The following RELN variants were observed in gnomAD, a reference collection of about 807,000 sequenced individuals.
The protein encoded by RELN is reelin.
RELN carries 108 observed loss-of-function variants against 427.6 expected under a neutral mutation model. The ratio of observed to expected loss-of-function variants is 0.25; its 90% confidence interval spans 0.22 to 0.30. RELN has a LOEUF of 0.30. Ranked by LOEUF, RELN falls within the 10% of genes least tolerant of loss-of-function variation. RELN has a pLI of 1.00. For missense variants in RELN, 3,715 were observed against 4,302.8 expected (o/e 0.86, Z 3.82); for synonymous variants, 1,524 against 1,513.4 (o/e 1.01, Z -0.16).
chr7:103,766,828 A>C (rs900059183), intron 4 of RELN, among the ~76,000 whole-genome samples: 9 of 152,240 alleles, frequency 5.9e-5, no homozygotes, highest in Non-Finnish European at 1.0e-4. Flanking sequence ...GGCAGAAAGC[A>C]GCCAAGGTTT....
chr7:103,491,734 C>G (rs960162528), intron 58 of RELN, among the ~76,000 whole-genome samples: 5 of 151,880 alleles, frequency 3.3e-5, no homozygotes, highest in Admixed American at 6.6e-5. Context: ...GAGGCTGAGG[C>G]AGGAGAACCG....
intron 4 of RELN, among the ~76,000 whole-genome samples, chr7:103,769,938 G>C (rs1584478189): frequency 6.6e-6 from 1 of 152,126 alleles, no homozygotes; most frequent in East Asian, 1.9e-4. Context: ...CCTTGCTCTA[G>C]TCTGCCCTCA....
At chr7:103,631,577 C>T (rs1041564254) in intron 19 of RELN, among the ~76,000 whole-genome samples, 1 of 151,938 alleles carries the variant, frequency 6.6e-6, no homozygotes, top group Admixed American at 6.6e-5. Context: ...CAGGCGTGGG[C>T]CACTGTGCCT....
In RELN at chr7:103,535,492, A is replaced by G. The variant is rs769797706; in HGVS notation, c.7181-8T>C. ...AGTATTCCAATTCAATCGCTGAAAC[A>G]GGAAACATTATTTTGGATATAAACA... On this transcript the variant is annotated splice_region_variant and splice_polypyrimidine_tract_variant and intron_variant, in intron 45 of 64. Coordinates refer to ENST00000428762, the MANE Select transcript of RELN (RefSeq NM_005045.4). The G allele has an allele frequency of 6.2e-7, 1 of 1,613,226 alleles. No individual in the cohort carries two copies. The highest frequency in any genetic ancestry group is 2.2e-5 in the East Asian group (1 of 44,880).
chr7:103,663,024 A>T (rs1211858784), intron 11 of RELN, among the ~76,000 whole-genome samples: 4 of 106,590 alleles, frequency 3.8e-5, no homozygotes, highest in Non-Finnish European at 8.8e-5. Context: ...ATTCAAAGTC[A>T]CTAAAACATT....
chr7:103,872,891 G>A lies in RELN; in HGVS notation c.338-39219C>T, dbSNP rs530942871. 1.6e-3 allele frequency among the ~76,000 whole-genome samples: 249 copies of A among 151,256 alleles called. 1 individual carries two copies. The highest frequency in any genetic ancestry group is 5.5e-3 in the African/African-American group (228 of 41,364). Reference sequence around the variant, plus strand: ...TGAGAAGTGTCTGTTCATGTCCTTCGCCCACTTTTTGATGGGGTTGTTTGT... The same window carrying A: ...TGAGAAGTGTCTGTTCATGTCCTTCACCCACTTTTTGATGGGGTTGTTTGT... On this transcript the variant is annotated intron_variant, in intron 2 of 64. Transcript: ENST00000428762.
chr7:103,963,129 G>T (rs1796594492), intron 1 of RELN, among the ~76,000 whole-genome samples: 1 of 59,542 alleles, frequency 1.7e-5, no homozygotes. Context: ...TCCTCTTTTC[G>T]CCTTCTTTTT....
At chr7:103,502,144 A>C (rs1282219466) in intron 52 of RELN, among the ~76,000 whole-genome samples, 1 of 152,188 alleles carries the variant, frequency 6.6e-6, no homozygotes, top group Non-Finnish European at 1.5e-5. Flanking sequence ...AGATATAACA[A>C]ATTTCGAGCT....
intron 1 of RELN, among the ~76,000 whole-genome samples, chr7:103,943,842 T>C: frequency 1.7e-5 from 1 of 58,350 alleles, no homozygotes; most frequent in South Asian, 4.6e-4. Context: ...AGCAAGATTC[T>C]GTCTCCAAAA....
intron 6 of RELN, among the ~76,000 whole-genome samples, chr7:103,738,616 G>C (rs1046282936): frequency 2.7e-5 from 4 of 147,808 alleles, no homozygotes; most frequent in Admixed American, 6.7e-5. Context: ...TGCCTAATCT[G>C]GATTTCATAC....
At chr7:103,961,232 C>CT (rs1287714427) in intron 1 of RELN, among the ~76,000 whole-genome samples, 2 of 152,086 alleles carry the variant, frequency 1.3e-5, no homozygotes, top group Non-Finnish European at 2.9e-5. Flanking sequence ...AAAAACCCAT[C>CT]TTTTTTTCCC....
intron 11 of RELN, among the ~76,000 whole-genome samples, chr7:103,676,318 T>C (rs1833523195): frequency 6.6e-6 from 1 of 152,122 alleles, no homozygotes; most frequent in African/African-American, 2.4e-5. Context: ...ATCAGAGAAA[T>C]GCAAATCAAA....
At chr7:103,705,087 C>T (rs959700195) in intron 8 of RELN, among the ~76,000 whole-genome samples, 10 of 152,108 alleles carry the variant, frequency 6.6e-5, no homozygotes, top group Admixed American at 5.2e-4. Flanking sequence ...TCCTCTTACT[C>T]TCAAATATTT....
chr7:103,489,773 A>C lies in RELN; in HGVS notation c.9732T>G (p.Gly3244=). The change falls in exon 60 of 65, where the codon GGT becomes GGG. Residue 3244 remains glycine, a synonymous_variant. Coordinates refer to ENST00000428762, the MANE Select transcript of RELN (RefSeq NM_005045.4). ...LCSGHGYCTT[G]AICICDESFQ... is the part of the protein sequence containing the mutation. ...AGCTCTCGTCGCAGATGCAGATGGC[A>C]CCGGTCGTGCAGTATCCGTGCCCGC... 7 of 1,614,134 alleles carry C rather than the reference A, an allele frequency of 4.3e-6. No homozygotes were observed. The highest frequency in any genetic ancestry group is 5.1e-6 in the Non-Finnish European group (6 of 1,180,008).
At chr7:103,891,806 C>T (rs1794855558) in intron 2 of RELN, among the ~76,000 whole-genome samples, 1 of 152,148 alleles carries the variant, frequency 6.6e-6, no homozygotes, top group Non-Finnish European at 1.5e-5. Context: ...ATTTACTTCT[C>T]TTAAATTCCA....
intron 2 of RELN, among the ~76,000 whole-genome samples, chr7:103,850,863 G>T (rs961872152): frequency 6.6e-6 from 1 of 152,180 alleles, no homozygotes; most frequent in South Asian, 2.1e-4. Context: ...GCAGTGTACA[G>T]GGAATGCTTC....
At position 103,523,206 on chromosome 7, in the gene RELN, A is replaced by G. The variant is rs2117094380; in HGVS notation, c.7490+185T>C. On this transcript the variant is annotated intron_variant, in intron 47 of 64. Transcript: ENST00000428762. ...ACAAGATAGCTATTGTTCAGTTCCT[A>G]ATCTCTAAGCAAGAATGAAGATACA... Among the ~76,000 whole-genome samples the G allele has an allele frequency of 2.0e-5, 3 of 152,332 alleles. No homozygotes were observed. The Middle Eastern group carries it at 0.01, about 518-fold the overall frequency.
chr7:103,892,322 A>T (rs1273786146), intron 2 of RELN, among the ~76,000 whole-genome samples: 1 of 152,178 alleles, frequency 6.6e-6, no homozygotes, highest in Non-Finnish European at 1.5e-5. Context: ...TACACAAGTG[A>T]GGACAGAAAT....
rs1378071407 is a variant in RELN at position 103,822,807 on chromosome 7, G to A, written c.473+10730C>T. Among the ~76,000 whole-genome samples the A allele has an allele frequency of 6.8e-4, 8 of 11,712 alleles. 4 individuals carry two copies. The highest frequency in any genetic ancestry group is 1.0e-3 in the African/African-American group (8 of 8,032). The allele number at this position is 11,712 out of a possible 152,430, so 7.7% of individuals were successfully genotyped here. A position where few individuals can be genotyped will look rare whatever the true frequency, so the allele number is the denominator to read the frequency against. On this transcript the variant is annotated intron_variant, in intron 3 of 64. Coordinates refer to ENST00000428762, the MANE Select transcript of RELN (RefSeq NM_005045.4). The stretch of plus-strand genomic sequence containing the variant: ...CGGGCGCCTGTAGTCCCAGCTACTC[G>A]GGAGGCTGAGGCAGGAGAATGGCGT...
Sources: allele counts gnomAD v4.1 joint callset (sites outside exome capture counted in the v4.1 genomes callset), GRCh38; gene constraint gnomAD v4.1.1; transcripts MANE v1.5; gene names NCBI Gene and HGNC (gene_info 2026-07-23, HGNC 2026-07-21).